Variants in RHPN2 observed in about 807,000 individuals in gnomAD.
RHPN2 encodes rhophilin Rho GTPase binding protein 2, also known as rhophilin-2.
A neutral mutation model predicts 79.0 loss-of-function variants in RHPN2; 40 were observed. The ratio of observed to expected loss-of-function variants is 0.51; its 90% confidence interval spans 0.39 to 0.66. The LOEUF (loss-of-function observed/expected upper bound fraction) is 0.66, where lower values mean the gene tolerates loss of function less well. Ranked by LOEUF, RHPN2 falls within the 30% of genes least tolerant of loss-of-function variation. RHPN2 has a pLI of 0.00. For synonymous variants in RHPN2, 285 were observed against 363.5 expected, an observed-to-expected ratio of 0.78 and a Z score of 2.46; for missense variants, 686 against 883.5, an observed-to-expected ratio of 0.78 and a Z score of 2.83.
intron 7 of RHPN2, 105 bp downstream of exon 7, chr19:33,007,907 GTC>G (rs3214610): frequency 1.0e-6 from 1 of 961,724 alleles, no homozygotes; most frequent in Admixed American, 2.4e-5. Flanking sequence ...CTGGAGACTG[GTC>G]TGGCCCTTGC....
At chr19:33,020,518 G>A (rs562881012) in intron 4 of RHPN2, among the ~76,000 whole-genome samples, 2 of 148,680 alleles carry the variant, frequency 1.3e-5, no homozygotes, top group Admixed American at 1.3e-4. Context: ...TTTTGAAATG[G>A]GATCTCACTC....
In RHPN2 at chr19:33,051,153, G is replaced by A. The variant is rs141966722; in HGVS notation, c.70-6789C>T. On this transcript the variant is annotated intron_variant, in intron 1 of 14. Transcript: ENST00000254260. ...ATTACAGGTGCACACCACCATGCCC[G>A]GCTAATTTTTGTATTTTTAGTAGAC... 1.3e-3 allele frequency among the ~76,000 whole-genome samples: 205 copies of A among 152,060 alleles called. 3 individuals are homozygous for A. Among genetic ancestry groups the A allele is most frequent in the South Asian group, 3.7e-3 (18 of 4,802 alleles).
At chr19:33,028,263 C>T (rs1196620648) in intron 2 of RHPN2, among the ~76,000 whole-genome samples, 1 of 151,610 alleles carries the variant, frequency 6.6e-6, no homozygotes, top group Admixed American at 6.6e-5. Flanking sequence ...CTGAAGCCAT[C>T]CTCCAGCCTC....
At chr19:33,059,368 G>C (rs899471896) in intron 1 of RHPN2, among the ~76,000 whole-genome samples, 4 of 149,800 alleles carry the variant, frequency 2.7e-5, no homozygotes, top group Non-Finnish European at 5.9e-5. Context: ...GCGCGATCTC[G>C]GCTCACTGCA....
intron 1 of RHPN2, among the ~76,000 whole-genome samples, chr19:33,056,835 C>A (rs943788851): frequency 2.6e-5 from 4 of 151,662 alleles, no homozygotes; most frequent in African/African-American, 9.7e-5. Flanking sequence ...CCAGGCCGGG[C>A]GCAGTGGCTC....
chr19:33,046,123 G>A (rs1266855719), intron 1 of RHPN2, among the ~76,000 whole-genome samples: 2 of 152,168 alleles, frequency 1.3e-5, no homozygotes, highest in East Asian at 3.8e-4. Context: ...TGGGCATGGG[G>A]AGTGTTTTCA....
In RHPN2 at chr19:33,042,764, T is replaced by C. The variant is rs552790584; in HGVS notation, c.185+1485A>G. Among the ~76,000 whole-genome samples, 21 of 152,130 alleles carry C rather than the reference T, an allele frequency of 1.4e-4. No homozygotes were observed. The South Asian group carries it at 4.4e-3, about 32-fold the overall frequency. On this transcript the variant is annotated intron_variant, in intron 2 of 14. Coordinates refer to ENST00000254260, the MANE Select transcript of RHPN2 (RefSeq NM_033103.5). ...CTGGGCAACACAGCAAGACCCTGTCTCTACAAATAATTTTTAAAAAATCAG... is the reference window on the plus strand; with the variant it reads ...CTGGGCAACACAGCAAGACCCTGTCCCTACAAATAATTTTTAAAAAATCAG...
At chr19:33,036,606 G>A (rs1384818702) in intron 2 of RHPN2, among the ~76,000 whole-genome samples, 1 of 152,214 alleles carries the variant, frequency 6.6e-6, no homozygotes, top group Non-Finnish European at 1.5e-5. Flanking sequence ...CAAGGCCCGA[G>A]CCGGCTCCCT....
rs185486950 is a variant in RHPN2 at position 33,021,956 on chromosome 19, T to A, written c.315-310A>T. 3.3e-4 allele frequency among the ~76,000 whole-genome samples: 51 copies of A among 152,270 alleles called. No homozygotes were observed. The East Asian group carries it at 7.9e-3, about 24-fold the overall frequency. ...GTTCCTTTTTTATTTTATTATTATT[T>A]TTTTTAGAGACTCTTGTTCTGTCGC... is the stretch of plus-strand genomic sequence containing the variant. On this transcript the variant is annotated intron_variant, in intron 3 of 14. Transcript: ENST00000254260.
intron 11 of RHPN2, among the ~76,000 whole-genome samples, chr19:32,995,197 C>T (rs1043622811): frequency 3.3e-5 from 5 of 151,930 alleles, no homozygotes; most frequent in Non-Finnish European, 7.4e-5. Context: ...CTCAGCCTCC[C>T]GAGTAGCTGG....
chr19:33,029,310 A>C (rs1457863786), intron 2 of RHPN2, among the ~76,000 whole-genome samples: 1 of 151,924 alleles, frequency 6.6e-6, no homozygotes, highest in East Asian at 1.9e-4. Context: ...ACGGATCACG[A>C]GGTCAGGAGA....
chr19:32,979,903 C>T lies in RHPN2; in HGVS notation c.*93G>A. 1.4e-6 allele frequency: 2 copies of T among 1,444,212 alleles called. No homozygotes were observed. The highest frequency in any genetic ancestry group is 1.9e-6 in the Non-Finnish European group (2 of 1,029,156). The allele number at this position is 1,444,212 out of a possible 1,614,324, so 89.5% of individuals were successfully genotyped here. ...CTATGAGAAAAACAGGATTTGAGAA[C>T]AGATAGATAGATATTTTCCATTATG... On this transcript the variant is annotated 3_prime_UTR_variant, in exon 15 of 15. Transcript: ENST00000254260.
At chr19:33,007,797 T>C (rs1971803958) in intron 7 of RHPN2, among the ~76,000 whole-genome samples, 1 of 151,300 alleles carries the variant, frequency 6.6e-6, no homozygotes, top group Admixed American at 6.6e-5. Flanking sequence ...TCTCCTGACC[T>C]TGTGATCCAC....
At chr19:33,026,933 A>T in intron 2 of RHPN2, 1 of 367,238 alleles carries the variant, frequency 2.7e-6, no homozygotes, top group Non-Finnish European at 5.3e-6. Context: ...CCATGCCCTA[A>T]AATACCATAA....
chr19:32,982,454 GAATCTGAGTTATGCAGC>G (rs1971582401), intron 14 of RHPN2, among the ~76,000 whole-genome samples: 1 of 151,934 alleles, frequency 6.6e-6, no homozygotes, highest in Non-Finnish European at 1.5e-5. Context: ...ACCCTCAGAG[GAATCTGAGTTATGCAGC>G]AATAAAGTAG....
chr19:32,991,950 G>A lies in RHPN2; in HGVS notation c.1517C>T (p.Ser506Leu), dbSNP rs777977646. The part of the protein sequence containing the change: ...FQKLGPLSVF[S>L]ANKRWTPPRS... Reference sequence around the variant, plus strand: ...AGGAGGCGTCCACCGCTTGTTAGCCGAAAACACAGATAAGGGGCCCTTTGG... The same window carrying A: ...AGGAGGCGTCCACCGCTTGTTAGCCAAAAACACAGATAAGGGGCCCTTTGG... Residue 506 changes from serine to leucine, a missense_variant, in exon 13 of 15, where the codon TCG becomes TTG. Physicochemically the swap from Ser to Leu is moderately radical, Grantham distance 145 (BLOSUM62 -2). Coordinates refer to ENST00000254260, the MANE Select transcript of RHPN2 (RefSeq NM_033103.5). The A allele has an allele frequency of 2.3e-5, 37 of 1,613,814 alleles. No individual in the cohort carries two copies. Among genetic ancestry groups the A allele is most frequent in the African/African-American group, 4.0e-5 (3 of 74,922 alleles).
At chr19:33,017,668 CAGCCTGGGCA>C (rs1252814165) in intron 4 of RHPN2, among the ~76,000 whole-genome samples, 1 of 146,984 alleles carries the variant, frequency 6.8e-6, no homozygotes, top group East Asian at 2.0e-4. Context: ...AGTTCAAGAC[CAGCCTGGGCA>C]TCATAGTGAG....
At chr19:33,031,561 T>G (rs1302657008) in intron 2 of RHPN2, among the ~76,000 whole-genome samples, 1 of 151,714 alleles carries the variant, frequency 6.6e-6, no homozygotes, top group Non-Finnish European at 1.5e-5. Flanking sequence ...TATTTTTTTG[T>G]ATAGATGGTG....
chr19:32,988,392 C>T (rs1237874752), intron 14 of RHPN2, among the ~76,000 whole-genome samples: 2 of 152,124 alleles, frequency 1.3e-5, no homozygotes, highest in African/African-American at 4.8e-5. Context: ...AAACTATGTC[C>T]CAGGGCCACT....
Sources: allele counts gnomAD v4.1 joint callset (sites outside exome capture counted in the v4.1 genomes callset), GRCh38; gene constraint gnomAD v4.1.1; transcripts MANE v1.5; gene names NCBI Gene and HGNC (gene_info 2026-07-23, HGNC 2026-07-21).